The following SDCCAG8 variants were observed in gnomAD, a reference collection of about 807,000 sequenced individuals.
SDCCAG8 encodes the protein serologically defined colon cancer antigen 8.
Under a neutral mutation model 101.8 loss-of-function variants are expected in SDCCAG8, and 74 were observed. That is an observed-to-expected ratio of 0.73 (90% confidence interval 0.60 to 0.88). The LOEUF (loss-of-function observed/expected upper bound fraction) is 0.88, where lower values mean the gene tolerates loss of function less well. SDCCAG8 is among the 40% of genes least tolerant of loss of function. SDCCAG8 has a pLI of 0.00. For synonymous variants in SDCCAG8, 281 were observed against 292.9 expected (o/e 0.96, Z 0.41); for missense variants, 787 against 822.6 (o/e 0.96, Z 0.53).
intron 8 of SDCCAG8, among the ~76,000 whole-genome samples, chr1:243,314,550 C>G (rs534167742): frequency 2.6e-5 from 4 of 152,206 alleles, no homozygotes; most frequent in African/African-American, 9.6e-5. Flanking sequence ...GTTGTTTATT[C>G]TGTTGAGCAT....
intron 12 of SDCCAG8, among the ~76,000 whole-genome samples, chr1:243,356,354 G>C (rs2076377820): frequency 7.6e-6 from 1 of 131,210 alleles, no homozygotes; most frequent in Non-Finnish European, 1.6e-5. Context: ...CAATGGCTAG[G>C]AGAGCAAGAA....
chr1:243,456,738 A>C (rs536790556), intron 16 of SDCCAG8, among the ~76,000 whole-genome samples: 2 of 152,196 alleles, frequency 1.3e-5, no homozygotes, highest in South Asian at 2.1e-4. Flanking sequence ...TTTAGGGGGC[A>C]ATCTTCCATC....
chr1:243,296,206 A>G (rs139727583), intron 6 of SDCCAG8, among the ~76,000 whole-genome samples: 73 of 152,054 alleles, frequency 4.8e-4, no homozygotes, highest in African/African-American at 1.7e-3. Flanking sequence ...ATGCTGCTCA[A>G]GCTAGTCTCA....
At chr1:243,298,350 CTTTTTTTTTTT>C (rs35061154) in intron 6 of SDCCAG8, among the ~76,000 whole-genome samples, 3 of 51,078 alleles carry the variant, frequency 5.9e-5, no homozygotes, top group African/African-American at 8.1e-5. Flanking sequence ...CGCACCCTGC[CTTTTTTTTTTT>C]TTTTTTTTTT....
rs151005150 is a variant in SDCCAG8, at chr1:243,275,904, G to A, written c.420+1248G>A. Among the ~76,000 whole-genome samples, 857 of 117,862 alleles carry A rather than the reference G, an allele frequency of 7.3e-3. 2 individuals carry two copies. Among genetic ancestry groups the A allele is most frequent in the Middle Eastern group, 0.036 (5 of 138 alleles). The allele number at this position is 117,862 out of a possible 152,430, so 77.3% of individuals were successfully genotyped here. A position where few individuals can be genotyped will look rare whatever the true frequency, so the allele number is the denominator to read the frequency against. On this transcript the variant is annotated intron_variant, in intron 4 of 17. Transcript: ENST00000366541. ...TTTTTTGATGGAGTCTCGCATTGTCGCCAGACTGGAGTGCGGTGTCACAGT... is the reference window on the plus strand; with the variant it reads ...TTTTTTGATGGAGTCTCGCATTGTCACCAGACTGGAGTGCGGTGTCACAGT...
chr1:243,435,027 G>T (rs2082044509), intron 16 of SDCCAG8, among the ~76,000 whole-genome samples: 1 of 152,186 alleles, frequency 6.6e-6, no homozygotes, highest in African/African-American at 2.4e-5. Context: ...GACACCCTTT[G>T]ATTTATTCAT....
chr1:243,347,956 T>C (rs1007889182), intron 12 of SDCCAG8, among the ~76,000 whole-genome samples: 2 of 151,572 alleles, frequency 1.3e-5, no homozygotes. Flanking sequence ...ATATAAAACA[T>C]TTTCCTTTCT....
intron 12 of SDCCAG8, among the ~76,000 whole-genome samples, chr1:243,366,018 A>G (rs1482568232): frequency 2.0e-5 from 3 of 152,084 alleles, no homozygotes; most frequent in Non-Finnish European, 4.4e-5. Flanking sequence ...TATGAATGGC[A>G]TCCTTGTTGG....
intron 5 of SDCCAG8, among the ~76,000 whole-genome samples, chr1:243,288,502 A>G (rs1394301793): frequency 6.6e-6 from 1 of 152,092 alleles, no homozygotes; most frequent in Non-Finnish European, 1.5e-5. Flanking sequence ...AGACATTTCA[A>G]TAATACATGC....
chr1:243,280,392 G>A (rs2068927161), intron 4 of SDCCAG8, among the ~76,000 whole-genome samples: 1 of 151,294 alleles, frequency 6.6e-6, no homozygotes, highest in African/African-American at 2.4e-5. Context: ...CCAACTTTTG[G>A]TTTTGTTGTT....
intron 6 of SDCCAG8, among the ~76,000 whole-genome samples, chr1:243,295,061 C>CAATT (rs1186733781): frequency 6.6e-6 from 1 of 152,050 alleles, no homozygotes; most frequent in East Asian, 1.9e-4. Context: ...GAGTATCCTT[C>CAATT]TTCAAAAAAG....
In SDCCAG8 at chr1:243,383,581, C is replaced by A. The variant is rs77679181; in HGVS notation, c.1616+4718C>A. Reference sequence around the variant, plus strand: ...ATTGAAATGACCTTCAGACCCACCACTTAAATTCATTGTAACTTAGGTTCT... The same window carrying A: ...ATTGAAATGACCTTCAGACCCACCAATTAAATTCATTGTAACTTAGGTTCT... On this transcript the variant is annotated intron_variant, in intron 13 of 17. Coordinates refer to ENST00000366541, the MANE Select transcript of SDCCAG8 (RefSeq NM_006642.5). 3.2e-3 allele frequency among the ~76,000 whole-genome samples: 494 copies of A among 152,304 alleles called. 5 individuals carry two copies. Among genetic ancestry groups the A allele is most frequent in the African/African-American group, 0.011 (474 of 41,558 alleles).
intron 15 of SDCCAG8, among the ~76,000 whole-genome samples, chr1:243,420,477 G>A (rs918258941): frequency 1.3e-5 from 2 of 152,024 alleles, no homozygotes; most frequent in East Asian, 1.9e-4. Context: ...ATTTTCCGAC[G>A]GACATAAGTC....
intron 17 of SDCCAG8, among the ~76,000 whole-genome samples, chr1:243,493,941 G>T (rs1243329457): frequency 6.6e-6 from 1 of 151,900 alleles, no homozygotes; most frequent in African/African-American, 2.4e-5. Context: ...ACTCCCTGCC[G>T]AGGGAGGCCT....
chr1:243,327,338 T>C (rs936735322), intron 9 of SDCCAG8, among the ~76,000 whole-genome samples: 4 of 147,110 alleles, frequency 2.7e-5, no homozygotes, highest in African/African-American at 9.8e-5. Context: ...TAATTATAAT[T>C]TTATAGAAAT....
chr1:243,380,138 G>T lies in SDCCAG8; in HGVS notation c.1616+1275G>T, dbSNP rs543239378. On this transcript the variant is annotated intron_variant, in intron 13 of 17. Transcript: ENST00000366541. Reference sequence around the variant, plus strand: ...AAAATAAATTATTAATACATGTCTGGTATCTAGAAAAAAATCCTAATAGAT... The same window carrying T: ...AAAATAAATTATTAATACATGTCTGTTATCTAGAAAAAAATCCTAATAGAT... Among the ~76,000 whole-genome samples, 4 of 152,136 alleles carry T rather than the reference G, an allele frequency of 2.6e-5. No individual in the cohort carries two copies. In the South Asian group the frequency reaches 8.3e-4, roughly 32 times the overall value.
At chr1:243,454,444 T>C (rs1477075743) in intron 16 of SDCCAG8, among the ~76,000 whole-genome samples, 1 of 152,014 alleles carries the variant, frequency 6.6e-6, no homozygotes, top group Non-Finnish European at 1.5e-5. Context: ...CTTGGAACTG[T>C]GGGAGGTAAT....
At chr1:243,265,307 T>C (rs6429416) in intron 1 of SDCCAG8, among the ~76,000 whole-genome samples, 5,167 of 152,318 alleles carry the variant, frequency 0.034, 277 homozygotes, top group African/African-American at 0.12. Flanking sequence ...GCTTTTCCTC[T>C]CTGACCCTAG....
intron 6 of SDCCAG8, among the ~76,000 whole-genome samples, chr1:243,300,258 A>G (rs2071374510): frequency 6.6e-6 from 1 of 152,046 alleles, no homozygotes; most frequent in African/African-American, 2.4e-5. Flanking sequence ...CACTTCAGAA[A>G]CCCAGGATTA....
Sources: gnomAD v4.1 joint callset for allele counts (sites outside exome capture counted in the v4.1 genomes callset) on GRCh38, gnomAD v4.1.1 for gene constraint, MANE v1.5 for transcripts, NCBI Gene and HGNC (gene_info 2026-07-23, HGNC 2026-07-21) for gene names.